Variants in CDC42BPA observed in about 807,000 individuals in gnomAD.
The protein encoded by CDC42BPA is serine/threonine-protein kinase MRCK alpha.
In CDC42BPA, 80 loss-of-function variants were observed where a neutral mutation model predicts 223.5. The ratio of observed to expected loss-of-function variants is 0.36; its 90% CI spans 0.30 to 0.43. CDC42BPA has a LOEUF of 0.43. Ranked by LOEUF, CDC42BPA falls within the 20% of genes least tolerant of loss-of-function variation. The pLI, the probability that CDC42BPA is intolerant of heterozygous loss-of-function variation, is 1.00. For synonymous variants in CDC42BPA, 694 were observed against 718.6 expected, an observed-to-expected ratio of 0.97 and a Z score of 0.55; for missense variants, 1,743 against 2,099.9, an observed-to-expected ratio of 0.83 and a Z score of 3.32.
At chr1:227,188,923 G>A (rs115302983) in intron 5 of CDC42BPA, among the ~76,000 whole-genome samples, 1 of 152,038 alleles carries the variant, frequency 6.6e-6, no homozygotes. Flanking sequence ...TGTTGATAGT[G>A]GGGGAGGCTG....
chr1:227,133,812 G>C (rs1410195863), intron 10 of CDC42BPA, among the ~76,000 whole-genome samples: 1 of 151,840 alleles, frequency 6.6e-6, no homozygotes. Context: ...AAGTACCCAG[G>C]GACACAAACA....
In CDC42BPA at chr1:227,050,498, A is replaced by G. The variant is rs145503525; in HGVS notation, c.3009+1383T>C. 7.3e-4 allele frequency among the ~76,000 whole-genome samples: 111 copies of G among 152,326 alleles called. No homozygotes were observed. In the East Asian group the frequency reaches 0.02, roughly 27 times the overall value. On this transcript the variant is annotated intron_variant, in intron 22 of 36. Coordinates refer to ENST00000366766, the MANE Select transcript of CDC42BPA (RefSeq NM_001394014.1). ...AAACTCTGTACATTTGCAAAAACAGATATTAGGATATTAATTTCAGCACTG... is the reference window on the plus strand; with the variant it reads ...AAACTCTGTACATTTGCAAAAACAGGTATTAGGATATTAATTTCAGCACTG...
chr1:227,131,036 T>C (rs1571856184), intron 10 of CDC42BPA, among the ~76,000 whole-genome samples: 1 of 152,342 alleles, frequency 6.6e-6, no homozygotes, highest in East Asian at 1.9e-4. Flanking sequence ...CTTATGTGGT[T>C]ATCCACTTGT....
chr1:227,074,120 T>C (rs2149081130), intron 18 of CDC42BPA, 108 bp from the exon 19 acceptor site: 1 of 1,404,514 alleles, frequency 7.1e-7, no homozygotes, highest in East Asian at 2.3e-5. Context: ...AGACCCAAAC[T>C]AATAGTTTTC....
At chr1:227,288,258 A>G (rs67715027) in intron 1 of CDC42BPA, among the ~76,000 whole-genome samples, 46,769 of 152,020 alleles carry the variant, frequency 0.31, 7,385 homozygotes, top group East Asian at 0.37. Context: ...AAAAGCAATC[A>G]GAAGTGAATG....
chr1:226,998,068 C>G (rs1196760525), intron 35 of CDC42BPA, among the ~76,000 whole-genome samples: 2 of 152,116 alleles, frequency 1.3e-5, no homozygotes, highest in South Asian at 4.1e-4. Context: ...AATAAAATAC[C>G]TAGGAATCCA....
At chr1:227,202,382 A>T (rs1371571706) in intron 3 of CDC42BPA, among the ~76,000 whole-genome samples, 1 of 152,198 alleles carries the variant, frequency 6.6e-6, no homozygotes, top group Non-Finnish European at 1.5e-5. Context: ...TTTACTGCTA[A>T]CATTTTAGAG....
At chr1:227,280,363 C>T (rs983631672) in intron 1 of CDC42BPA, among the ~76,000 whole-genome samples, 24 of 152,226 alleles carry the variant, frequency 1.6e-4, no homozygotes, top group Non-Finnish European at 2.5e-4. Flanking sequence ...TGTTTTACAC[C>T]TAAGAGATCT....
intron 21 of CDC42BPA, among the ~76,000 whole-genome samples, chr1:227,066,781 G>A (rs943018469): frequency 1.3e-5 from 2 of 152,112 alleles, no homozygotes; most frequent in Non-Finnish European, 2.9e-5. Context: ...TATTACTGAC[G>A]GCATTACATA....
intron 2 of CDC42BPA, among the ~76,000 whole-genome samples, chr1:227,231,688 AG>A (rs1678002478): frequency 6.6e-6 from 1 of 151,724 alleles, no homozygotes; most frequent in African/African-American, 2.4e-5. Context: ...AACTGGTGTG[AG>A]ATGGTATCCC....
At chr1:227,165,534 TTATAG>T (rs781045908) in intron 5 of CDC42BPA, among the ~76,000 whole-genome samples, 1 of 152,226 alleles carries the variant, frequency 6.6e-6, no homozygotes, top group South Asian at 2.1e-4. Context: ...AAGGAAAAAA[TTATAG>T]TATATTTCTT....
At chr1:227,006,718 C>T (rs1277706644) in intron 34 of CDC42BPA, among the ~76,000 whole-genome samples, 1 of 152,070 alleles carries the variant, frequency 6.6e-6, no homozygotes, top group Non-Finnish European at 1.5e-5. Flanking sequence ...GGGCAGATCA[C>T]GAGGTCAGGA....
At chr1:227,002,801 A>G (rs1572175196) in intron 35 of CDC42BPA, among the ~76,000 whole-genome samples, 1 of 152,156 alleles carries the variant, frequency 6.6e-6, no homozygotes, top group Non-Finnish European at 1.5e-5. Context: ...GAGCCAGGAA[A>G]CTGATTCCCT....
At chr1:227,036,467 C>T (rs1210937898) in intron 24 of CDC42BPA, among the ~76,000 whole-genome samples, 8 of 135,152 alleles carry the variant, frequency 5.9e-5, no homozygotes, top group Non-Finnish European at 1.1e-4. Flanking sequence ...CTCGCTCTGT[C>T]GCCCAGGCTG....
intron 6 of CDC42BPA, among the ~76,000 whole-genome samples, chr1:227,152,676 G>A (rs906716970): frequency 9.9e-5 from 15 of 152,042 alleles, no homozygotes; most frequent in African/African-American, 3.6e-4. Flanking sequence ...TAAACTGCAC[G>A]TAAGATACTA....
chr1:227,142,624 CT>C (rs71681093), intron 9 of CDC42BPA, among the ~76,000 whole-genome samples: 53,615 of 147,774 alleles, frequency 0.36, 9,613 homozygotes, highest in Middle Eastern at 0.39. Flanking sequence ...ACTATGTTAA[CT>C]TTTTTTTTTT....
chr1:227,176,974 T>C (rs1558682203), intron 5 of CDC42BPA, among the ~76,000 whole-genome samples: 1 of 147,524 alleles, frequency 6.8e-6, no homozygotes, highest in Admixed American at 6.8e-5. Flanking sequence ...TGCCCCCTAC[T>C]TTTTTTTTTA....
chr1:227,159,409 T>G (rs980999793), intron 6 of CDC42BPA, among the ~76,000 whole-genome samples: 1 of 151,906 alleles, frequency 6.6e-6, no homozygotes, highest in Non-Finnish European at 1.5e-5. Flanking sequence ...TCACTTGAAC[T>G]CAGGAGGCGG....
At chr1:227,191,752 A>G (rs1020842668) in intron 5 of CDC42BPA, among the ~76,000 whole-genome samples, 1 of 152,168 alleles carries the variant, frequency 6.6e-6, no homozygotes, top group African/African-American at 2.4e-5. Flanking sequence ...ATTTTGGATT[A>G]CTGTTTAAGC....
Sources: gnomAD v4.1 joint callset for allele counts (sites outside exome capture counted in the v4.1 genomes callset) on GRCh38, gnomAD v4.1.1 for gene constraint, MANE v1.5 for transcripts, NCBI Gene and HGNC (gene_info 2026-07-23, HGNC 2026-07-21) for gene names.